Variants in KCNJ3 observed in about 807,000 individuals in gnomAD.
KCNJ3 encodes G protein-activated inward rectifier potassium channel 1.
KCNJ3 carries 4 observed loss-of-function variants against 39.2 expected under a neutral mutation model. The observed-to-expected ratio is 0.10, with a 90% CI of 0.05 to 0.23. The LOEUF (loss-of-function observed/expected upper bound fraction) is 0.23. KCNJ3 is among the 10% of genes least tolerant of loss of function. The probability of loss-of-function intolerance (pLI) is 1.00; values close to 1 mark genes in which losing one functional copy is unlikely to be tolerated. For missense variants in KCNJ3, 276 were observed against 634.9 expected, an observed-to-expected ratio of 0.43 and a Z score of 6.08; for synonymous variants, 230 against 237.4, an observed-to-expected ratio of 0.97 and a Z score of 0.29.
chr2:154,823,698 A>G (rs555126989), intron 2 of KCNJ3, among the ~76,000 whole-genome samples: 25 of 152,282 alleles, frequency 1.6e-4, no homozygotes, highest in African/African-American at 4.3e-4. Context: ...GGTGTCCCCA[A>G]TCTTACTCAG....
intron 2 of KCNJ3, among the ~76,000 whole-genome samples, chr2:154,781,452 C>T (rs1156530391): frequency 1.3e-5 from 2 of 152,150 alleles, no homozygotes. Flanking sequence ...GGAGGTCTTA[C>T]CTTTGAATTT....
chr2:154,724,874 T>C (rs1002475656), intron 2 of KCNJ3, among the ~76,000 whole-genome samples: 1 of 146,958 alleles, frequency 6.8e-6, no homozygotes, highest in African/African-American at 2.5e-5. Context: ...AAAAATGTTA[T>C]GTTTTATTAT....
At chr2:154,854,131 T>A (rs1174408835) in intron 2 of KCNJ3, among the ~76,000 whole-genome samples, 1 of 152,212 alleles carries the variant, frequency 6.6e-6, no homozygotes, top group Non-Finnish European at 1.5e-5. Context: ...AATCCTTTGC[T>A]ACGTAAAGAC....
intron 2 of KCNJ3, among the ~76,000 whole-genome samples, chr2:154,745,149 C>T (rs1480488700): frequency 6.6e-6 from 1 of 151,720 alleles, no homozygotes; most frequent in East Asian, 1.9e-4. Flanking sequence ...CAGTATAGGC[C>T]CTATCTTGAT....
At position 154,851,325 on chromosome 2, in the gene KCNJ3, C is replaced by T. The variant is rs185844478; in HGVS notation, c.920-3402C>T. ...TATATTACTAATATGGGATAAATTA[C>T]AAAGATGTAAAAATTCATCACACAT... On this transcript the variant is annotated intron_variant, in intron 2 of 2. Coordinates refer to ENST00000295101, the MANE Select transcript of KCNJ3 (RefSeq NM_002239.4). 3.4e-3 allele frequency among the ~76,000 whole-genome samples: 523 copies of T among 152,154 alleles called. 2 individuals are homozygous for T. The highest frequency in any genetic ancestry group is 6.8e-3 in the Middle Eastern group (2 of 292).
At chr2:154,741,045 A>G (rs1384767215) in intron 2 of KCNJ3, among the ~76,000 whole-genome samples, 3 of 152,004 alleles carry the variant, frequency 2.0e-5, no homozygotes, top group African/African-American at 2.4e-5. Flanking sequence ...CTCTATGTAT[A>G]GTTTCTCAGA....
rs35296271 is a variant in KCNJ3, at chr2:154,721,600, C to CT, written c.919+11790dup. Among the ~76,000 whole-genome samples, 32 of 150,540 alleles carry CT rather than the reference C, an allele frequency of 2.1e-4. No homozygotes were observed. The South Asian group carries it at 3.8e-3, about 18-fold the overall frequency. ...TCAGCTTTGGAAAGGATATTTCTTA[C>CT]TTTTTTTTTAATAGTGGAAGCCAGA... On this transcript the variant is annotated intron_variant, in intron 2 of 2. Coordinates refer to ENST00000295101, the MANE Select transcript of KCNJ3 (RefSeq NM_002239.4).
intron 2 of KCNJ3, among the ~76,000 whole-genome samples, chr2:154,813,110 T>A (rs2105103151): frequency 6.6e-6 from 1 of 152,308 alleles, no homozygotes; most frequent in African/African-American, 2.4e-5. Context: ...TCACTCCTAA[T>A]CACTATGTTG....
intron 2 of KCNJ3, among the ~76,000 whole-genome samples, chr2:154,836,398 A>ATATCT (rs767090577): frequency 7.4e-4 from 112 of 152,108 alleles, no homozygotes; most frequent in Non-Finnish European, 1.3e-3. Context: ...CAGCATTTTT[A>ATATCT]TATCTTTGAC....
rs149268521 is a variant in KCNJ3, at chr2:154,748,627, CTA to C, written c.919+38810_919+38811del. Among the ~76,000 whole-genome samples, 927 of 152,094 alleles carry C rather than the reference CTA, an allele frequency of 6.1e-3. 8 individuals carry two copies. The highest frequency in any genetic ancestry group is 0.021 in the African/African-American group (878 of 41,500). ...AAAATAAATATGAGTGAACTGAACA[CTA>C]TCAGTCATACATCAATTGACAGATT... On this transcript the variant is annotated intron_variant, in intron 2 of 2. Transcript: ENST00000295101.
intron 2 of KCNJ3, among the ~76,000 whole-genome samples, chr2:154,778,614 A>T (rs116386017): frequency 0.01 from 1,582 of 152,296 alleles, 15 homozygotes; most frequent in Non-Finnish European, 0.017. Flanking sequence ...CCTTAAGACA[A>T]TTGAGCACCA....
chr2:154,718,441 G>T (rs1005427869), intron 2 of KCNJ3, among the ~76,000 whole-genome samples: 8 of 152,114 alleles, frequency 5.3e-5, no homozygotes, highest in Non-Finnish European at 7.4e-5. Context: ...GTCTTAGTTT[G>T]CCTGAGGCTG....
At chr2:154,847,968 G>C (rs958952724) in intron 2 of KCNJ3, among the ~76,000 whole-genome samples, 4 of 152,066 alleles carry the variant, frequency 2.6e-5, no homozygotes, top group Non-Finnish European at 4.4e-5. Context: ...TTGTCCTATA[G>C]AATCTCTTCA....
At chr2:154,707,753 A>T (rs1453642198) in intron 1 of KCNJ3, among the ~76,000 whole-genome samples, 8 of 152,280 alleles carry the variant, frequency 5.3e-5, no homozygotes, top group Admixed American at 5.2e-4. Context: ...TACACATCAG[A>T]ATACCACCTT....
intron 2 of KCNJ3, among the ~76,000 whole-genome samples, chr2:154,740,867 T>C (rs1229366499): frequency 6.6e-6 from 1 of 151,964 alleles, no homozygotes. Context: ...TAGAAAATAA[T>C]GCAAATTGCA....
At chr2:154,756,334 G>A (rs1242015865) in intron 2 of KCNJ3, among the ~76,000 whole-genome samples, 1 of 152,030 alleles carries the variant, frequency 6.6e-6, no homozygotes, top group East Asian at 1.9e-4. Context: ...AAACAACACT[G>A]TATTATGTAC....
At chr2:154,720,585 A>G (rs914052070) in intron 2 of KCNJ3, among the ~76,000 whole-genome samples, 1 of 152,010 alleles carries the variant, frequency 6.6e-6, no homozygotes, top group Non-Finnish European at 1.5e-5. Flanking sequence ...CATATTTCAG[A>G]GCCCTCTTAT....
At chr2:154,780,011 A>G (rs907250384) in intron 2 of KCNJ3, among the ~76,000 whole-genome samples, 2 of 152,216 alleles carry the variant, frequency 1.3e-5, no homozygotes, top group African/African-American at 4.8e-5. Flanking sequence ...CATACATTCA[A>G]GAGTAATGTG....
chr2:154,748,772 G>A (rs1685789497), intron 2 of KCNJ3, among the ~76,000 whole-genome samples: 1 of 152,122 alleles, frequency 6.6e-6, no homozygotes, highest in African/African-American at 2.4e-5. Flanking sequence ...AGAGCTGTCA[G>A]TGAGAAGACA....
Sources: gnomAD v4.1 joint callset for allele counts (sites outside exome capture counted in the v4.1 genomes callset) on GRCh38, gnomAD v4.1.1 for gene constraint, MANE v1.5 for transcripts, NCBI Gene and HGNC (gene_info 2026-07-23, HGNC 2026-07-21) for gene names.